The following CCDC158 variants were observed in gnomAD, a reference collection of about 807,000 sequenced individuals.
CCDC158 encodes the protein coiled-coil domain-containing protein 158.
A neutral mutation model predicts 138.6 loss-of-function variants in CCDC158; 116 were observed. The observed-to-expected ratio is 0.84, with a 90% CI of 0.72 to 0.98. CCDC158 has a LOEUF of 0.98. Among genes scored for constraint, CCDC158 ranks in the 50% least tolerant of loss-of-function variants. The pLI is 0.00. For missense variants in CCDC158, 1,265 were observed against 1,306.1 expected (o/e 0.97, Z 0.48); for synonymous variants, 436 against 442.4 (o/e 0.99, Z 0.18).
At position 76,368,982 on chromosome 4, in the gene CCDC158, G is replaced by A. The variant is rs564265952; in HGVS notation, c.1347+444C>T. ...TGTAATCTCAGCACCTTGGGAGGCT[G>A]AGGTGGGCAGATCATGAGGTCATGA... is the stretch of plus-strand genomic sequence containing the variant. On this transcript the variant is annotated intron_variant, in intron 11 of 24. Transcript: ENST00000682701. Among the ~76,000 whole-genome samples the A allele has an allele frequency of 2.8e-3, 419 of 152,278 alleles. 2 individuals are homozygous for A. Among genetic ancestry groups the A allele is most frequent in the African/African-American group, 9.1e-3 (380 of 41,544 alleles).
chr4:76,406,157 G>T (rs1248318594), intron 2 of CCDC158, among the ~76,000 whole-genome samples: 7 of 152,114 alleles, frequency 4.6e-5, no homozygotes, highest in Admixed American at 4.6e-4. Flanking sequence ...AACAAAAATT[G>T]CCAGGCAAAT....
intron 9 of CCDC158, among the ~76,000 whole-genome samples, chr4:76,376,057 CTTTT>C (rs398063708): frequency 6.9e-6 from 1 of 145,788 alleles, no homozygotes; most frequent in Admixed American, 6.9e-5. Context: ...ACAAATCTCA[CTTTT>C]TTTTTTTTTC....
intron 4 of CCDC158, among the ~76,000 whole-genome samples, chr4:76,392,036 A>C (rs1009272620): frequency 1.3e-5 from 2 of 151,940 alleles, no homozygotes; most frequent in African/African-American, 2.4e-5. Context: ...ACTGCTGAAT[A>C]CCAAACATTT....
At chr4:76,333,021 T>C (rs1002545510) in intron 19 of CCDC158, among the ~76,000 whole-genome samples, 5 of 152,250 alleles carry the variant, frequency 3.3e-5, no homozygotes, top group African/African-American at 1.2e-4. Flanking sequence ...ATATTATAGT[T>C]ATGACAAAAA....
chr4:76,396,700 C>T (rs1310805198), intron 3 of CCDC158, among the ~76,000 whole-genome samples: 3 of 151,908 alleles, frequency 2.0e-5, no homozygotes, highest in East Asian at 1.9e-4. Flanking sequence ...TTAGTAGAAA[C>T]GGGGTTTCAC....
chr4:76,337,547 A>G (rs1721633345), intron 18 of CCDC158, among the ~76,000 whole-genome samples: 1 of 152,162 alleles, frequency 6.6e-6, no homozygotes, highest in Non-Finnish European at 1.5e-5. Context: ...CCTGGCCAAC[A>G]TGGTGAAACC....
chr4:76,354,212 A>T (rs1020135443), intron 15 of CCDC158, among the ~76,000 whole-genome samples: 4 of 145,404 alleles, frequency 2.8e-5, no homozygotes, highest in African/African-American at 5.2e-5. Flanking sequence ...AAGGATAAGC[A>T]CTGCTTTAGG....
chr4:76,325,806 A>G, intron 23 of CCDC158, 51 bp downstream of exon 23: 1 of 1,504,350 alleles, frequency 6.6e-7, no homozygotes, highest in East Asian at 2.3e-5. Context: ...CTTACAGTTC[A>G]GCAGTGTAGG....
intron 18 of CCDC158, among the ~76,000 whole-genome samples, chr4:76,337,237 G>A (rs781134977): frequency 5.9e-5 from 9 of 152,070 alleles, no homozygotes; most frequent in African/African-American, 2.2e-4. Flanking sequence ...CAATCTGCCC[G>A]CCTCGGCCTC....
chr4:76,337,946 T>A (rs904667301), intron 18 of CCDC158, among the ~76,000 whole-genome samples: 1 of 152,058 alleles, frequency 6.6e-6, no homozygotes, highest in Non-Finnish European at 1.5e-5. Flanking sequence ...CTGTGAGGAA[T>A]GGGGCCACAC....
chr4:76,397,267 T>C (rs1727906845), intron 3 of CCDC158, among the ~76,000 whole-genome samples: 1 of 151,454 alleles, frequency 6.6e-6, no homozygotes, highest in Middle Eastern at 3.5e-3. Context: ...CAGTTATCTA[T>C]GGGGTATAGG....
chr4:76,373,045 C>T (rs181515362), intron 9 of CCDC158, among the ~76,000 whole-genome samples: 23 of 152,254 alleles, frequency 1.5e-4, no homozygotes, highest in African/African-American at 4.8e-4. Flanking sequence ...GATGGGGTTT[C>T]GCCATGTTGG....
chr4:76,393,237 A>T (rs1727467892), intron 4 of CCDC158, among the ~76,000 whole-genome samples: 1 of 152,118 alleles, frequency 6.6e-6, no homozygotes. Flanking sequence ...AAATTACACT[A>T]CAGAGCTACA....
At chr4:76,332,667 T>C (rs760391748) in intron 19 of CCDC158, among the ~76,000 whole-genome samples, 176 bp from the exon 20 acceptor site, 20 of 152,234 alleles carry the variant, frequency 1.3e-4, no homozygotes, top group Non-Finnish European at 1.6e-4. Flanking sequence ...GAGAAATGCT[T>C]TCCTCCCATG....
intron 2 of CCDC158, among the ~76,000 whole-genome samples, chr4:76,404,519 C>G (rs2109873186): frequency 6.6e-6 from 1 of 151,802 alleles, no homozygotes. Flanking sequence ...GGACAAGAAA[C>G]AAAACAAGCA....
intron 18 of CCDC158, among the ~76,000 whole-genome samples, chr4:76,338,511 C>CA (rs1299398285): frequency 1.3e-5 from 2 of 151,726 alleles, no homozygotes; most frequent in Non-Finnish European, 2.9e-5. Context: ...GACTCCGTCT[C>CA]AAAAAAACAA....
Position 76,351,810 on chromosome 4 carries a change from T to C in CCDC158, c.2448A>G (p.Ala816=). 6.3e-7 allele frequency: 1 copy of C among 1,595,066 alleles called. No homozygotes were observed. The highest frequency in any genetic ancestry group is 8.6e-7 in the Non-Finnish European group (1 of 1,162,898). Residue 816 remains alanine, a splice_region_variant and synonymous_variant, in exon 17 of 25, where the codon GCA becomes GCG. Coordinates refer to ENST00000682701, the MANE Select transcript of CCDC158 (RefSeq NM_001394954.1). ...CTTGACATTCTGCAAACTGCAAAGA[T>C]GCCTACAAATGGAGCAATCATAAAT... ...VTNMEVALDK[A]SLQFAECQDI... is the part of the protein sequence containing the mutation.
At chr4:76,381,701 A>C (rs1023148561) in intron 8 of CCDC158, among the ~76,000 whole-genome samples, 1 of 152,034 alleles carries the variant, frequency 6.6e-6, no homozygotes, top group Non-Finnish European at 1.5e-5. Flanking sequence ...TTTATTTTTG[A>C]GATGGAGTCT....
intron 18 of CCDC158, among the ~76,000 whole-genome samples, chr4:76,335,379 T>A (rs1487294789): frequency 6.6e-6 from 1 of 152,186 alleles, no homozygotes; most frequent in Non-Finnish European, 1.5e-5. Context: ...CCTGGACTTC[T>A]TATCTTCCCA....
Sources: allele counts gnomAD v4.1 joint callset (sites outside exome capture counted in the v4.1 genomes callset), GRCh38; gene constraint gnomAD v4.1.1; transcripts MANE v1.5; gene names NCBI Gene and HGNC (gene_info 2026-07-23, HGNC 2026-07-21).